POU6F2: variants seen among roughly 807,000 people sequenced by gnomAD.
The protein encoded by POU6F2 is POU class 6 homeobox 2.
Under a neutral mutation model 71.3 loss-of-function variants are expected in POU6F2, and 31 were observed. The ratio of observed to expected loss-of-function variants is 0.43; its 90% confidence interval spans 0.33 to 0.59. The LOEUF (loss-of-function observed/expected upper bound fraction) is 0.59, where lower values mean the gene tolerates loss of function less well. Ranked by LOEUF, POU6F2 falls within the 20% of genes least tolerant of loss-of-function variation. The pLI, the probability that POU6F2 is intolerant of heterozygous loss-of-function variation, is 0.04. For missense variants in POU6F2, 783 were observed against 856.8 expected (o/e 0.91, Z 1.07); for synonymous variants, 347 against 355.7 (o/e 0.98, Z 0.27).
intron 1 of POU6F2, among the ~76,000 whole-genome samples, chr7:39,057,804 A>T (rs1230174212): frequency 6.6e-6 from 1 of 152,154 alleles, no homozygotes; most frequent in Non-Finnish European, 1.5e-5. Context: ...TTCTCCTAAC[A>T]TCATTAATTG....
chr7:39,418,965 G>GTATATATGTATATATGTGTATATA (rs1562544192), intron 6 of POU6F2, among the ~76,000 whole-genome samples: 15 of 136,012 alleles, frequency 1.1e-4, no homozygotes, highest in Admixed American at 1.5e-4. Flanking sequence ...GTATATATAT[G>GTATATATGTATATATGTGTATATA]TGTATATATG....
chr7:39,154,703 G>A (rs1452004646), intron 2 of POU6F2, among the ~76,000 whole-genome samples: 1 of 151,936 alleles, frequency 6.6e-6, no homozygotes, highest in African/African-American at 2.4e-5. Context: ...GTGGGTGAGG[G>A]TGGGGCCTCC....
Position 39,451,688 on chromosome 7 carries a change from C to T in POU6F2, c.1476C>T (p.Gly492=). Residue 492 remains glycine, a synonymous_variant, in exon 8 of 10, where the codon GGC becomes GGT. Transcript: ENST00000518318. ...SSSSSSALSV[G]QLVSNPQTAA... ...CCTCTTCTTCAGCTTTGAGCGTGGGCCAGTTAGTCAGCAGTAAGTATCCTT... is the reference window on the plus strand; with the variant it reads ...CCTCTTCTTCAGCTTTGAGCGTGGGTCAGTTAGTCAGCAGTAAGTATCCTT... The T allele has an allele frequency of 6.3e-7, 1 of 1,594,496 alleles. No homozygotes were observed. Among genetic ancestry groups the T allele is most frequent in the Non-Finnish European group, 8.5e-7 (1 of 1,170,310 alleles).
At chr7:39,072,038 C>T (rs1402209955) in intron 1 of POU6F2, among the ~76,000 whole-genome samples, 2 of 152,120 alleles carry the variant, frequency 1.3e-5, no homozygotes, top group African/African-American at 4.8e-5. Flanking sequence ...TCTCACAGGG[C>T]ATCAGGACAG....
chr7:39,023,432 G>T (rs148497131), intron 1 of POU6F2, among the ~76,000 whole-genome samples: 13 of 151,854 alleles, frequency 8.6e-5, no homozygotes, highest in Non-Finnish European at 1.5e-4. Context: ...TGGCAATGTC[G>T]CAACGTCTAG....
At chr7:38,993,547 G>T (rs1225184826) in intron 1 of POU6F2, among the ~76,000 whole-genome samples, 2 of 102,650 alleles carry the variant, frequency 1.9e-5, no homozygotes. Flanking sequence ...ATAACCTAAG[G>T]GAAAATCTGT....
intron 1 of POU6F2, among the ~76,000 whole-genome samples, chr7:39,017,018 G>T (rs1253501174): frequency 6.6e-6 from 1 of 152,090 alleles, no homozygotes; most frequent in African/African-American, 2.4e-5. Context: ...AAGGCTGGAG[G>T]TGTTGCCCTC....
intron 1 of POU6F2, among the ~76,000 whole-genome samples, chr7:39,049,151 T>C (rs1206350631): frequency 2.0e-5 from 3 of 151,892 alleles, no homozygotes; most frequent in Non-Finnish European, 4.4e-5. Flanking sequence ...AATAATCACC[T>C]TTTGGTTTCG....
At chr7:39,354,418 T>TTC (rs1222350596) in intron 5 of POU6F2, among the ~76,000 whole-genome samples, 1 of 152,214 alleles carries the variant, frequency 6.6e-6, no homozygotes, top group Non-Finnish European at 1.5e-5. Flanking sequence ...AACATGGTTC[T>TTC]TCAACTAGGA....
intron 1 of POU6F2, among the ~76,000 whole-genome samples, chr7:39,045,103 C>T (rs2128712732): frequency 6.6e-6 from 1 of 152,026 alleles, no homozygotes; most frequent in African/African-American, 2.4e-5. Context: ...AGTAATGTTC[C>T]TTGAGATTCT....
rs752698360 is a variant in POU6F2 at position 39,207,387 on chromosome 7, T to C, written c.370-5T>C. 2 of 1,613,336 alleles carry C rather than the reference T, an allele frequency of 1.2e-6. No homozygotes were observed. Among genetic ancestry groups the C allele is most frequent in the Non-Finnish European group, 1.7e-6 (2 of 1,179,414 alleles). On this transcript the variant is annotated splice_polypyrimidine_tract_variant and splice_region_variant and intron_variant, in intron 3 of 9. Coordinates refer to ENST00000518318, the MANE Select transcript of POU6F2 (RefSeq NM_001370959.1). ...AGTGAGCTAGCTGTATCTGTTTCCT[T>C]GCAGCCACTTCTGACGGCACAGCAG...
chr7:39,300,606 G>A lies in POU6F2; in HGVS notation c.599-39036G>A, dbSNP rs1430618046. Among the ~76,000 whole-genome samples, 4 of 151,990 alleles carry A rather than the reference G, an allele frequency of 2.6e-5. No homozygotes were observed. In the East Asian group the frequency reaches 7.7e-4, roughly 29 times the overall value. On this transcript the variant is annotated intron_variant, in intron 4 of 9. Transcript: ENST00000518318. ...CGCAAAGTCTGCAATCGAGGTGTCAGCAGGGGTGGCTCCTTCTGAGGGCCA... is the reference window on the plus strand; with the variant it reads ...CGCAAAGTCTGCAATCGAGGTGTCAACAGGGGTGGCTCCTTCTGAGGGCCA...
intron 1 of POU6F2, among the ~76,000 whole-genome samples, chr7:39,053,731 T>C (rs1181883384): frequency 6.6e-6 from 1 of 151,920 alleles, no homozygotes. Context: ...TGTCACGCTG[T>C]AAAAAATCGC....
Position 39,276,406 on chromosome 7 carries a change from G to A in POU6F2, c.599-63236G>A, listed in dbSNP as rs551369202. 4.7e-4 allele frequency among the ~76,000 whole-genome samples: 72 copies of A among 152,188 alleles called. 1 individual carries two copies. The South Asian group carries it at 5.6e-3, about 12-fold the overall frequency. The stretch of plus-strand genomic sequence containing the variant: ...TCATTAAAAAGTCAGGAAACAACAG[G>A]TGCTGGAGGGGATGTGGAGAAATAG... On this transcript the variant is annotated intron_variant, in intron 4 of 9. Transcript: ENST00000518318.
chr7:39,455,432 C>A (rs1306203921), intron 8 of POU6F2, among the ~76,000 whole-genome samples: 1 of 152,182 alleles, frequency 6.6e-6, no homozygotes, highest in Admixed American at 6.5e-5. Context: ...AAATACTGTT[C>A]TCCCAAATTG....
chr7:39,345,646 G>A (rs547612387), intron 5 of POU6F2, among the ~76,000 whole-genome samples: 2 of 152,160 alleles, frequency 1.3e-5, no homozygotes, highest in Non-Finnish European at 2.9e-5. Flanking sequence ...AATAATGGAA[G>A]TATCACTATG....
At chr7:39,230,795 T>G (rs1416535134) in intron 4 of POU6F2, among the ~76,000 whole-genome samples, 1 of 152,184 alleles carries the variant, frequency 6.6e-6, no homozygotes, top group African/African-American at 2.4e-5. Flanking sequence ...GACACACACT[T>G]TTCTGTGTCT....
chr7:38,992,711 G>C (rs892541978), intron 1 of POU6F2, among the ~76,000 whole-genome samples: 23 of 151,484 alleles, frequency 1.5e-4, no homozygotes, highest in African/African-American at 5.6e-4. Flanking sequence ...ATTTTTTTGC[G>C]GCAAAAACAA....
intron 1 of POU6F2, among the ~76,000 whole-genome samples, chr7:39,023,824 A>G (rs1789734979): frequency 6.6e-6 from 1 of 152,044 alleles, no homozygotes; most frequent in Non-Finnish European, 1.5e-5. Context: ...CATTCTCTGC[A>G]CTTTACAAAT....
Sources: allele counts gnomAD v4.1 joint callset (sites outside exome capture counted in the v4.1 genomes callset), GRCh38; gene constraint gnomAD v4.1.1; transcripts MANE v1.5; gene names NCBI Gene and HGNC (gene_info 2026-07-23, HGNC 2026-07-21).